The following ZNF385D variants were observed in gnomAD, a reference collection of about 807,000 sequenced individuals.
The protein encoded by ZNF385D is zinc finger protein 659.
In ZNF385D, 15 loss-of-function variants were observed where a neutral mutation model predicts 35.8. The ratio of observed to expected loss-of-function variants is 0.42; its 90% CI spans 0.28 to 0.64. The LOEUF (loss-of-function observed/expected upper bound fraction) is 0.64. Among genes scored for constraint, ZNF385D ranks in the 30% least tolerant of loss-of-function variants. The pLI, the probability that ZNF385D is intolerant of heterozygous loss-of-function variation, is 0.23. For missense variants in ZNF385D, 474 were observed against 494.6 expected (o/e 0.96, Z 0.39); for synonymous variants, 212 against 186.8 (o/e 1.13, Z -1.10).
chr3:21,448,468 A>T (rs1174609831), intron 4 of ZNF385D, among the ~76,000 whole-genome samples: 1 of 152,132 alleles, frequency 6.6e-6, no homozygotes. Context: ...TCTTGATAGA[A>T]TTTCTCTCTT....
At chr3:21,472,267 A>G (rs771040227) in intron 4 of ZNF385D, among the ~76,000 whole-genome samples, 33 of 152,170 alleles carry the variant, frequency 2.2e-4, no homozygotes, top group South Asian at 6.2e-4. Context: ...TTAGAAGCAT[A>G]ACAAGAAATC....
chr3:22,186,640 A>C (rs534705976), intron 2 of ZNF385D, among the ~76,000 whole-genome samples: 1 of 152,146 alleles, frequency 6.6e-6, no homozygotes, highest in Non-Finnish European at 1.5e-5. Flanking sequence ...GAGCTGGGTC[A>C]TAAGAATTTG....
intron 4 of ZNF385D, among the ~76,000 whole-genome samples, chr3:21,499,592 T>G (rs1397254091): frequency 6.6e-6 from 1 of 151,820 alleles, no homozygotes; most frequent in African/African-American, 2.4e-5. Context: ...GCAATTTACC[T>G]GTATAACAAA....
chr3:21,505,136 C>G (rs915553643), intron 4 of ZNF385D, among the ~76,000 whole-genome samples: 1 of 152,034 alleles, frequency 6.6e-6, no homozygotes, highest in African/African-American at 2.4e-5. Context: ...AAGTGCAGAA[C>G]TCAAAATAAA....
intron 2 of ZNF385D, among the ~76,000 whole-genome samples, chr3:22,289,158 T>C (rs1702168976): frequency 6.6e-6 from 1 of 152,122 alleles, no homozygotes; most frequent in Non-Finnish European, 1.5e-5. Flanking sequence ...ATGCCTGCAT[T>C]CTCCTTCCTA....
intron 2 of ZNF385D, among the ~76,000 whole-genome samples, chr3:22,245,869 C>T (rs1292137500): frequency 1.3e-5 from 2 of 152,084 alleles, no homozygotes; most frequent in Non-Finnish European, 2.9e-5. Flanking sequence ...TGAAGAACCT[C>T]TCTAATCAAG....
intron 3 of ZNF385D, among the ~76,000 whole-genome samples, chr3:22,102,786 C>A (rs1257182321): frequency 6.6e-6 from 1 of 151,806 alleles, no homozygotes; most frequent in African/African-American, 2.4e-5. Context: ...TTTTCCCAAG[C>A]AGTTGTACAA....
chr3:22,103,055 A>T (rs1247869854), intron 3 of ZNF385D, among the ~76,000 whole-genome samples: 2 of 151,558 alleles, frequency 1.3e-5, no homozygotes, highest in African/African-American at 4.8e-5. Flanking sequence ...ACTAAAGTCA[A>T]GACTGATTTT....
chr3:21,549,164 C>T (rs1243342803), intron 3 of ZNF385D, among the ~76,000 whole-genome samples: 1 of 152,118 alleles, frequency 6.6e-6, no homozygotes, highest in Admixed American at 6.5e-5. Context: ...TAAAGAAACC[C>T]AGATAAATAC....
chr3:22,173,032 C>G (rs2125765322), intron 2 of ZNF385D, among the ~76,000 whole-genome samples: 1 of 152,330 alleles, frequency 6.6e-6, no homozygotes, highest in South Asian at 2.1e-4. Context: ...ACATTGATAG[C>G]AAGAATCCTT....
intron 3 of ZNF385D, among the ~76,000 whole-genome samples, chr3:21,534,340 G>C (rs1426011315): frequency 6.6e-6 from 1 of 151,942 alleles, no homozygotes; most frequent in South Asian, 2.1e-4. Context: ...CCATAGATTT[G>C]AACAGATTGT....
intron 3 of ZNF385D, among the ~76,000 whole-genome samples, chr3:22,030,910 A>C (rs1639366432): frequency 6.6e-6 from 1 of 152,202 alleles, no homozygotes; most frequent in African/African-American, 2.4e-5. Context: ...ATTAAGTAAA[A>C]GTTCCCATTC....
intron 3 of ZNF385D, among the ~76,000 whole-genome samples, chr3:22,079,211 A>G (rs890585580): frequency 7.2e-5 from 11 of 152,042 alleles, no homozygotes; most frequent in African/African-American, 2.7e-4. Flanking sequence ...CATTTTCCCC[A>G]TCATTAAAAT....
intron 5 of ZNF385D, among the ~76,000 whole-genome samples, chr3:21,430,613 T>C (rs562143684): frequency 1.2e-4 from 18 of 152,170 alleles, no homozygotes; most frequent in Non-Finnish European, 2.1e-4. Context: ...ATATCAGACA[T>C]CCAGAAAGCT....
intron 2 of ZNF385D, among the ~76,000 whole-genome samples, chr3:22,178,527 T>C (rs566245273): frequency 7.5e-4 from 115 of 152,340 alleles, no homozygotes; most frequent in African/African-American, 2.6e-3. Context: ...TCCCATTCTG[T>C]AGGTTGCCTG....
Position 22,203,661 on chromosome 3 carries a change from T to C in ZNF385D, c.107-34626A>G, listed in dbSNP as rs188274392. 4.5e-3 allele frequency among the ~76,000 whole-genome samples: 679 copies of C among 152,196 alleles called. 9 individuals carry two copies. Among genetic ancestry groups the C allele is most frequent in the African/African-American group, 0.015 (632 of 41,554 alleles). On this transcript the variant is annotated intron_variant, in intron 2 of 5. Transcript: ENST00000494108. ...TCACCACTAGCTGACTGAAGATCTC[T>C]TGGACCTTAAGTGAACATCAGCAGT... is the stretch of plus-strand genomic sequence containing the variant.
intron 3 of ZNF385D, among the ~76,000 whole-genome samples, chr3:21,895,148 G>C (rs1699067201): frequency 6.6e-6 from 1 of 151,800 alleles, no homozygotes; most frequent in African/African-American, 2.4e-5. Flanking sequence ...AAAATAGGTT[G>C]GTATATATGG....
chr3:21,516,663 T>C (rs1477117723), intron 3 of ZNF385D, among the ~76,000 whole-genome samples: 1 of 152,198 alleles, frequency 6.6e-6, no homozygotes, highest in Non-Finnish European at 1.5e-5. Flanking sequence ...AAGCCTGAAG[T>C]CAAAGTCATC....
chr3:22,039,394 T>C lies in ZNF385D; in HGVS notation c.325+129423A>G, dbSNP rs2125500686. 2.0e-5 allele frequency among the ~76,000 whole-genome samples: 3 copies of C among 152,242 alleles called. 1 individual carries two copies. In the East Asian group the frequency reaches 5.8e-4, roughly 29 times the overall value. On this transcript the variant is annotated intron_variant, in intron 3 of 5. Coordinates refer to the ZNF385D transcript ENST00000494108. ...CCCAGTTTTAACATTTTCAGTGGCT[T>C]CTCAACTAGTACATGGTAAATTTAG... is the stretch of plus-strand genomic sequence containing the variant.
Sources: allele counts gnomAD v4.1 joint callset (sites outside exome capture counted in the v4.1 genomes callset), GRCh38; gene constraint gnomAD v4.1.1; transcripts MANE v1.5; gene names NCBI Gene and HGNC (gene_info 2026-07-23, HGNC 2026-07-21).